Variants in FRMPD3 observed in about 807,000 individuals in gnomAD.
FRMPD3 encodes the protein FERM and PDZ domain-containing protein 3.
Under a neutral mutation model 97.9 loss-of-function variants are expected in FRMPD3, and 42 were observed. That is an observed-to-expected ratio of 0.43 (90% CI 0.34 to 0.55). The LOEUF is 0.55. Ranked by LOEUF, FRMPD3 falls within the 20% of genes least tolerant of loss-of-function variation. FRMPD3 has a pLI of 0.03. For missense variants in FRMPD3, 1,303 were observed against 1,457.7 expected (o/e 0.89, Z 1.73); for synonymous variants, 577 against 581.1 (o/e 0.99, Z 0.10).
chrX:107,539,047 G>A (rs746564619), intron 4 of FRMPD3, among the ~76,000 whole-genome samples: 2 of 111,120 alleles, frequency 1.8e-5, no homozygotes, highest in African/African-American at 3.3e-5. Flanking sequence ...CATTCGAGCA[G>A]CAGAGACAGA....
At chrX:107,600,206 A>C in intron 14 of FRMPD3, 97 bp from the exon 15 acceptor site, 5 of 1,065,206 alleles carry the variant, frequency 4.7e-6, no homozygotes, top group African/African-American at 3.8e-5. Context: ...CAGGAGTCCT[A>C]GAGCCAATCG....
intron 1 of FRMPD3, among the ~76,000 whole-genome samples, chrX:107,456,889 C>T (rs1383082545): frequency 8.9e-6 from 1 of 111,941 alleles, no homozygotes; most frequent in Non-Finnish European, 1.9e-5. Flanking sequence ...GCTCATTTTT[C>T]TTTTTTTCTC....
chrX:107,515,999 A>G lies in FRMPD3; in HGVS notation c.-7-10583A>G, dbSNP rs912232727. Among the ~76,000 whole-genome samples, 13 of 104,456 alleles carry G rather than the reference A, an allele frequency of 1.2e-4. 1 individual carries two copies. Among genetic ancestry groups the G allele is most frequent in the African/African-American group, 4.5e-4 (13 of 28,954 alleles). The allele number at this position is 104,456 out of a possible 115,157, so 90.7% of individuals were successfully genotyped here. A position where few individuals can be genotyped will look rare whatever the true frequency, so the allele number is the denominator to read the frequency against. On this transcript the variant is annotated intron_variant, in intron 1 of 14. Coordinates refer to ENST00000683843, the MANE Select transcript of FRMPD3 (RefSeq NM_001388459.1). ...ATTAACTCATCATTTAACGTTAGGTATATCTCCTAATGCTATCCCTCCCCC... is the reference window on the plus strand; with the variant it reads ...ATTAACTCATCATTTAACGTTAGGTGTATCTCCTAATGCTATCCCTCCCCC...
chrX:107,454,165 C>G (rs1296965692), intron 1 of FRMPD3, among the ~76,000 whole-genome samples: 1 of 111,566 alleles, frequency 9.0e-6, no homozygotes, highest in Non-Finnish European at 1.9e-5. Context: ...GGGTCTCCTT[C>G]CAGCCAAGTG....
chrX:107,469,287 G>A (rs770087235), intron 1 of FRMPD3, among the ~76,000 whole-genome samples: 19 of 111,989 alleles, frequency 1.7e-4, no homozygotes, highest in African/African-American at 6.2e-4. Flanking sequence ...CACAATCATG[G>A]CAAAAGGCAA....
At chrX:107,459,702 A>G (rs1931432579) in intron 1 of FRMPD3, among the ~76,000 whole-genome samples, 1 of 112,776 alleles carries the variant, frequency 8.9e-6, no homozygotes, top group Admixed American at 9.3e-5. Flanking sequence ...GAATGAGTAC[A>G]GTAGTTCTGC....
chrX:107,473,308 T>TA (rs1165371658), intron 1 of FRMPD3, among the ~76,000 whole-genome samples: 5 of 112,216 alleles, frequency 4.5e-5, no homozygotes, highest in African/African-American at 6.5e-5. Context: ...GAGAAAAAGT[T>TA]ACAGTGGATT....
chrX:107,526,442 T>C (rs1335677192), intron 1 of FRMPD3, 140 bp from the exon 2 acceptor site: 1 of 422,270 alleles, frequency 2.4e-6, no homozygotes, highest in Admixed American at 4.2e-5. Context: ...ATCATCTCTG[T>C]TGGCTCCAGA....
chrX:107,524,640 C>A (rs997119615), intron 1 of FRMPD3, among the ~76,000 whole-genome samples: 13 of 112,650 alleles, frequency 1.2e-4, no homozygotes, highest in Admixed American at 9.4e-4. Flanking sequence ...TGATAAATAA[C>A]CTAAATGGTT....
At position 107,557,731 on chromosome X, in the gene FRMPD3, CT is replaced by C. The variant is rs1435063306; in HGVS notation, c.763-2522del. 2.2e-3 allele frequency among the ~76,000 whole-genome samples: 175 copies of C among 81,363 alleles called. 1 individual carries two copies. Among genetic ancestry groups the C allele is most frequent in the African/African-American group, 7.3e-3 (167 of 22,884 alleles). 70.7% of individuals were successfully genotyped at this position (81,363 alleles called of 115,157 possible). ...TATGGATATCCAATTGTTATAGCAC[CT>C]TTTGTTGAGAAGAGTATCCTTCCTC... On this transcript the variant is annotated intron_variant, in intron 8 of 14. Transcript: ENST00000683843.
intron 1 of FRMPD3, among the ~76,000 whole-genome samples, chrX:107,520,873 GT>G (rs1922484995): frequency 1.8e-5 from 2 of 112,107 alleles, no homozygotes; most frequent in Admixed American, 9.4e-5. Flanking sequence ...AGCTCATGAG[GT>G]TATAGTGAAA....
At chrX:107,552,649 G>T (rs1180694746) in intron 6 of FRMPD3, 146 bp from the exon 7 acceptor site, 1 of 597,848 alleles carries the variant, frequency 1.7e-6, no homozygotes. Context: ...CACAGAGCCT[G>T]GGCTACTATA....
intron 2 of FRMPD3, among the ~76,000 whole-genome samples, chrX:107,527,434 A>G (rs1273837657): frequency 8.9e-6 from 1 of 112,510 alleles, no homozygotes; most frequent in African/African-American, 3.2e-5. Context: ...TGGCTTGTCC[A>G]GTGTCACTCA....
chrX:107,492,831 A>G (rs182425625), intron 1 of FRMPD3, among the ~76,000 whole-genome samples: 1 of 111,857 alleles, frequency 8.9e-6, no homozygotes, highest in East Asian at 2.8e-4. Flanking sequence ...CTTTGGGGAA[A>G]TACCACAGCT....
In FRMPD3 at chrX:107,564,926, C is replaced by G; in HGVS notation, c.1156C>G (p.Arg386Gly). ...GGCCACCACGCTCCTGGTGGGACCC[C>G]GTCATGGCATCAGCCATGTTATTGA... ...QSATTLLVGP[R>G]HGISHVIDLK... The change falls in exon 12 of 15, where the codon CGT becomes GGT. Residue 386 changes from arginine (R) to glycine (G), a missense_variant. This residue lies in a region of FRMPD3 where 535 missense variants were observed against 618.6 expected (regional missense o/e 0.86). Transcript: ENST00000683843. 8.3e-7 allele frequency: 1 copy of G among 1,210,681 alleles called. No homozygotes were observed. Among genetic ancestry groups the G allele is most frequent in the Non-Finnish European group, 1.1e-6 (1 of 895,246 alleles).
At chrX:107,542,997 C>T (rs1475951343) in intron 4 of FRMPD3, among the ~76,000 whole-genome samples, 1 of 111,904 alleles carries the variant, frequency 8.9e-6, no homozygotes, top group African/African-American at 3.3e-5. Context: ...CATCCTAATT[C>T]AGTATTCAAA....
intron 12 of FRMPD3, 92 bp downstream of exon 12, chrX:107,565,158 T>C (rs1922546667): frequency 1.1e-6 from 1 of 871,296 alleles, no homozygotes; most frequent in East Asian, 3.5e-5. Flanking sequence ...TGGAATCTGT[T>C]AGGTGAGGTT....
At chrX:107,517,118 A>G (rs988429248) in intron 1 of FRMPD3, among the ~76,000 whole-genome samples, 7 of 112,001 alleles carry the variant, frequency 6.2e-5, no homozygotes, top group African/African-American at 1.9e-4. Context: ...TCCCAGCACC[A>G]TTTATTAAAT....
At chrX:107,558,074 A>G (rs994519770) in intron 8 of FRMPD3, among the ~76,000 whole-genome samples, 1 of 108,427 alleles carries the variant, frequency 9.2e-6, no homozygotes, top group Admixed American at 1.0e-4. Flanking sequence ...GATTTGGATT[A>G]GGATTGTGTT....
Sources: allele counts gnomAD v4.1 joint callset (sites outside exome capture counted in the v4.1 genomes callset), GRCh38; gene constraint gnomAD v4.1.1; regional missense constraint gnomAD v4.1.1; transcripts MANE v1.5; gene names NCBI Gene and HGNC (gene_info 2026-07-23, HGNC 2026-07-21).